Variants in SMARCA1 observed in about 807,000 individuals in gnomAD.
The protein encoded by SMARCA1 is SNF2 related chromatin remodeling ATPase 1, also known as SWI/SNF-related matrix-associated actin-dependent regulator of chromatin subfamily A member 1.
Under a neutral mutation model 93.6 loss-of-function variants are expected in SMARCA1, and 17 were observed. The ratio of observed to expected loss-of-function variants is 0.18; its 90% CI spans 0.12 to 0.27. The LOEUF (loss-of-function observed/expected upper bound fraction) is 0.27, where lower values mean the gene tolerates loss of function less well. Among genes scored for constraint, SMARCA1 ranks in the 10% least tolerant of loss-of-function variants. The pLI is 1.00. For missense variants in SMARCA1, 630 were observed against 819.0 expected (o/e 0.77, Z 2.82); for synonymous variants, 271 against 271.4 (o/e 1.00, Z 0.01).
Position 129,498,005 on chromosome X carries a change from T to C in SMARCA1, c.1344A>G (p.Arg448=). ...GAAGCTGCATCAGAATGTTTAAGAGTCGCATCTTGTCCATCTTGCCAGAAG... is the reference window on the plus strand; with the variant it reads ...GAAGCTGCATCAGAATGTTTAAGAGCCGCATCTTGTCCATCTTGCCAGAAG... ...LNSSGKMDKM[R]LLNILMQLRK... Residue 448 remains arginine (R), a synonymous_variant, in exon 11 of 25, where the codon CGA becomes CGG. Transcript: ENST00000371121. The C allele has an allele frequency of 8.3e-7, 1 of 1,207,273 alleles. No individual in the cohort carries two copies. Among genetic ancestry groups the C allele is most frequent in the Non-Finnish European group, 1.1e-6 (1 of 891,681 alleles).
At chrX:129,486,407 A>G (rs1933885443) in intron 17 of SMARCA1, among the ~76,000 whole-genome samples, 1 of 111,621 alleles carries the variant, frequency 9.0e-6, no homozygotes, top group South Asian at 3.8e-4. Flanking sequence ...AAAAATAAAA[A>G]GTTTTAAAAT....
intron 5 of SMARCA1, among the ~76,000 whole-genome samples, chrX:129,512,843 C>A (rs1935059777): frequency 9.0e-6 from 1 of 111,660 alleles, no homozygotes; most frequent in African/African-American, 3.3e-5. Context: ...CTGAGAGGTG[C>A]ACAAAAACTA....
intron 1 of SMARCA1, chrX:129,518,735 C>T (rs1221764146): frequency 1.9e-5 from 3 of 159,595 alleles, no homozygotes; most frequent in Non-Finnish European, 3.5e-5. Context: ...CTCATCCATT[C>T]TTTAATTTAT....
intron 19 of SMARCA1, among the ~76,000 whole-genome samples, chrX:129,475,645 G>A (rs745872597): frequency 2.9e-4 from 33 of 112,553 alleles, no homozygotes; most frequent in Non-Finnish European, 5.1e-4. Flanking sequence ...TATATAAAAT[G>A]TTATCTTTCT....
intron 16 of SMARCA1, 81 bp from the exon 17 acceptor site, chrX:129,487,218 T>A: frequency 1.7e-5 from 12 of 715,803 alleles, no homozygotes; most frequent in East Asian, 3.5e-5. Context: ...TTTTTAATAG[T>A]CAGGTTTTGA....
At chrX:129,483,041 A>G (rs1038269665) in intron 17 of SMARCA1, among the ~76,000 whole-genome samples, 2 of 112,405 alleles carry the variant, frequency 1.8e-5, no homozygotes, top group Non-Finnish European at 3.8e-5. Context: ...ATGAAAGTCT[A>G]TCAAATAGAA....
At chrX:129,492,800 C>A (rs978824146) in intron 13 of SMARCA1, among the ~76,000 whole-genome samples, 1 of 111,273 alleles carries the variant, frequency 9.0e-6, no homozygotes, top group African/African-American at 3.3e-5. Flanking sequence ...ACTCACAGAA[C>A]AAATACAAAT....
In SMARCA1 at chrX:129,447,221, T is replaced by C. The variant is rs1240476530; in HGVS notation, c.3154A>G (p.Lys1052Glu). Residue 1052 changes from lysine (K) to glutamate (E), a missense_variant, in exon 25 of 25, where the codon AAA becomes GAA. Physicochemically the swap from Lys to Glu is moderately conservative, Grantham distance 56. This residue lies in a region of SMARCA1 where 93 missense variants were observed against 160.8 expected (regional missense o/e 0.58). Coordinates refer to ENST00000371121, the MANE Select transcript of SMARCA1 (RefSeq NM_001282874.2). ...GAGCTCTCAGTAGCTGACTCTGCTT[T>C]TCTTTTCTGTGACTAAAATGGAAAC... Reference protein sequence around the residue: ...ATKTPMSQKRKAESATESSGK... With the variant: ...ATKTPMSQKREAESATESSGK... 8.8e-7 allele frequency: 1 copy of C among 1,136,815 alleles called. No homozygotes were observed. 93.7% of individuals were successfully genotyped at this position (1,136,815 alleles called of 1,213,427 possible). A position where few individuals can be genotyped will look rare whatever the true frequency, so the allele number is the denominator to read the frequency against.
intron 16 of SMARCA1, 49 bp from the exon 17 acceptor site, chrX:129,487,186 A>C: frequency 1.0e-6 from 1 of 962,385 alleles, no homozygotes; most frequent in African/African-American, 2.0e-5. Context: ...AATTACTTGT[A>C]AAAGTCTGTG....
intron 23 of SMARCA1, among the ~76,000 whole-genome samples, chrX:129,449,781 C>G (rs1932197718): frequency 9.1e-6 from 1 of 109,772 alleles, no homozygotes; most frequent in South Asian, 4.0e-4. Context: ...AGAACAACCC[C>G]AACACACACA....
intron 12 of SMARCA1, among the ~76,000 whole-genome samples, 193 bp downstream of exon 12, chrX:129,496,557 T>C (rs1285032594): frequency 9.0e-6 from 1 of 110,826 alleles, no homozygotes; most frequent in Non-Finnish European, 1.9e-5. Flanking sequence ...TTTGAAGACC[T>C]TGAAAAAGAT....
Position 129,447,031 on chromosome X carries a change from A to G in SMARCA1, c.*131T>C, listed in dbSNP as rs951004123. ...AGGTAGAAAGCATTGTAAAATATAT[A>G]AAATATGCAAGAAATCAAAACCAAA... On this transcript the variant is annotated 3_prime_UTR_variant, in exon 25 of 25. Transcript: ENST00000371121. 2.0e-6 allele frequency: 1 copy of G among 494,825 alleles called. No individual in the cohort carries two copies. The highest frequency in any genetic ancestry group is 3.3e-6 in the Non-Finnish European group (1 of 303,084). The allele number at this position is 494,825 out of a possible 1,213,427, so 40.8% of individuals were successfully genotyped here.
chrX:129,449,002 A>T (rs1602634822), intron 23 of SMARCA1, among the ~76,000 whole-genome samples: 1 of 110,318 alleles, frequency 9.1e-6, no homozygotes, highest in Non-Finnish European at 1.9e-5. Flanking sequence ...GAGCGCATGT[A>T]TAACTGATGA....
chrX:129,464,733 G>A (rs1265160900), intron 23 of SMARCA1, among the ~76,000 whole-genome samples: 3 of 112,119 alleles, frequency 2.7e-5, no homozygotes, highest in Admixed American at 1.9e-4. Flanking sequence ...ACTCTAAAGC[G>A]GAGAGCTCTG....
chrX:129,511,084 A>C (rs2124333020), intron 6 of SMARCA1, among the ~76,000 whole-genome samples: 1 of 111,637 alleles, frequency 9.0e-6, no homozygotes, highest in Non-Finnish European at 1.9e-5. Context: ...AAAGTTTAAT[A>C]ATAAGCTTTC....
At chrX:129,452,426 T>C (rs1319628937) in intron 23 of SMARCA1, among the ~76,000 whole-genome samples, 1 of 112,368 alleles carries the variant, frequency 8.9e-6, no homozygotes, top group Non-Finnish European at 1.9e-5. Flanking sequence ...CAGAAGAGAA[T>C]AGGAAAATAA....
chrX:129,504,365 T>C (rs1007725735), intron 9 of SMARCA1, among the ~76,000 whole-genome samples: 5 of 109,225 alleles, frequency 4.6e-5, no homozygotes, highest in Non-Finnish European at 9.5e-5. Flanking sequence ...GCTTTATACA[T>C]GACAGTGGAG....
intron 19 of SMARCA1, among the ~76,000 whole-genome samples, chrX:129,472,975 T>A (rs185439670): frequency 1.4e-4 from 16 of 111,680 alleles, no homozygotes; most frequent in African/African-American, 4.9e-4. Context: ...TTATGAGCTG[T>A]ACCTTAAGAA....
rs572100328 is a variant in SMARCA1 at position 129,520,437 on chromosome X, G to A, written c.175-1990C>T. ...CACCTTTGAGTAGGTAAATGTCACAGGTCAATTCACTAATTCTCATCTACT... is the reference window on the plus strand; with the variant it reads ...CACCTTTGAGTAGGTAAATGTCACAAGTCAATTCACTAATTCTCATCTACT... On this transcript the variant is annotated intron_variant, in intron 1 of 24. Transcript: ENST00000371121. Among the ~76,000 whole-genome samples the A allele has an allele frequency of 5.4e-5, 6 of 110,825 alleles. 1 individual carries two copies. Among genetic ancestry groups the A allele is most frequent in the African/African-American group, 2.0e-4 (6 of 30,472 alleles).
Sources: gnomAD v4.1 joint callset for allele counts (sites outside exome capture counted in the v4.1 genomes callset) on GRCh38, gnomAD v4.1.1 for gene constraint, gnomAD v4.1.1 regional missense constraint, MANE v1.5 for transcripts, NCBI Gene and HGNC (gene_info 2026-07-23, HGNC 2026-07-21) for gene names.